SLC28A3: variants seen among roughly 807,000 people sequenced by gnomAD.
The protein encoded by SLC28A3 is concentrative Na(+)-nucleoside cotransporter 3.
In SLC28A3, 68 loss-of-function variants were observed where a neutral mutation model predicts 84.2. The ratio of observed to expected loss-of-function variants is 0.81; its 90% CI spans 0.66 to 0.99. The LOEUF (loss-of-function observed/expected upper bound fraction) is 0.99. Among genes scored for constraint, SLC28A3 ranks in the 50% least tolerant of loss-of-function variants. The pLI is 0.00. For synonymous variants in SLC28A3, 267 were observed against 303.6 expected, an observed-to-expected ratio of 0.88 and a Z score of 1.25; for missense variants, 712 against 841.5, an observed-to-expected ratio of 0.85 and a Z score of 1.90.
In SLC28A3 at chr9:84,301,364, A is replaced by AG. The variant is rs1046537539; in HGVS notation, c.524+835_524+836insC. Among the ~76,000 whole-genome samples, 10 of 151,010 alleles carry AG rather than the reference A, an allele frequency of 6.6e-5. No individual in the cohort carries two copies. The East Asian group carries it at 7.8e-4, about 12-fold the overall frequency. On this transcript the variant is annotated intron_variant, in intron 5 of 17. Transcript: ENST00000376238. ...GACTCTGTCTCAAAAAAAAAAAAAA[A>AG]AAAAAAAAAAGAAAAGGCTGTAAAC...
chr9:84,295,773 C>T (rs138199576), intron 8 of SLC28A3, among the ~76,000 whole-genome samples: 2 of 152,216 alleles, frequency 1.3e-5, no homozygotes, highest in East Asian at 3.9e-4. Flanking sequence ...TACTGTACCC[C>T]CTCCCTACTG....
chr9:84,325,617 T>G (rs1826522919), intron 1 of SLC28A3, among the ~76,000 whole-genome samples: 1 of 152,228 alleles, frequency 6.6e-6, no homozygotes, highest in African/African-American at 2.4e-5. Flanking sequence ...AATAAATTTT[T>G]GTTGAATCAA....
At chr9:84,350,992 C>T in the SLC28A3 span, among the ~76,000 whole-genome samples, 2 of 152,194 alleles carry the variant, frequency 1.3e-5, no homozygotes, top group Non-Finnish European at 2.9e-5. Context: ...CAGGCATGAG[C>T]AACGGTGCCC....
intron 1 of SLC28A3, among the ~76,000 whole-genome samples, chr9:84,324,026 C>A (rs1826467435): frequency 6.6e-6 from 1 of 152,196 alleles, no homozygotes; most frequent in African/African-American, 2.4e-5. Context: ...GACCTAAAGA[C>A]CTCATGCTTT....
intron 16 of SLC28A3, 83 bp from the exon 17 acceptor site, chr9:84,279,468 G>T: frequency 1.8e-6 from 2 of 1,092,788 alleles, no homozygotes; most frequent in Non-Finnish European, 2.3e-6. Flanking sequence ...TAGAGACAGA[G>T]TCTTGCGCTT....
At chr9:84,347,205 A>T in the SLC28A3 span, among the ~76,000 whole-genome samples, 6 of 107,846 alleles carry the variant, frequency 5.6e-5, no homozygotes, top group African/African-American at 1.8e-4. Context: ...GACTCTGTCT[A>T]AAAAAAAAAA....
At chr9:84,364,120 C>CTTTTTTTTTT in the SLC28A3 span, among the ~76,000 whole-genome samples, 1 of 85,294 alleles carries the variant, frequency 1.2e-5, no homozygotes, top group Non-Finnish European at 2.1e-5. Context: ...CAGTTACACT[C>CTTTTTTTTTT]TTTTTTTTTT....
At chr9:84,357,206 G>T in the SLC28A3 span, among the ~76,000 whole-genome samples, 191 of 152,176 alleles carry the variant, frequency 1.3e-3, 2 homozygotes, top group Admixed American at 1.8e-3. Context: ...ATCAAACTTG[G>T]GTTTTGATTT....
At chr9:84,285,223 T>C (rs1824933147) in intron 14 of SLC28A3, 122 bp downstream of exon 14, 1 of 892,802 alleles carries the variant, frequency 1.1e-6, no homozygotes, top group Non-Finnish European at 1.7e-6. Context: ...GATTTTAGGT[T>C]GTTTTGCTCT....
chr9:84,317,316 G>A (rs1278293509), intron 1 of SLC28A3, among the ~76,000 whole-genome samples: 1 of 152,162 alleles, frequency 6.6e-6, no homozygotes, highest in South Asian at 2.1e-4. Context: ...AAAGACAAAG[G>A]TATAAATTAT....
chr9:84,337,732 C>T (rs1044151419), intron 1 of SLC28A3, among the ~76,000 whole-genome samples: 2 of 151,882 alleles, frequency 1.3e-5, no homozygotes, highest in Admixed American at 6.6e-5. Context: ...CATCCTCAGC[C>T]ATATGAGAAA....
At chr9:84,297,072 G>A (rs11568383) in intron 8 of SLC28A3, 149 bp downstream of exon 8, 21,850 of 559,424 alleles carry the variant, frequency 0.039, 3,131 homozygotes, top group African/African-American at 0.34. Context: ...AACATTGTCA[G>A]TGGAAAAGAG....
intron 1 of SLC28A3, among the ~76,000 whole-genome samples, chr9:84,327,812 G>A (rs2118556858): frequency 6.6e-6 from 1 of 151,458 alleles, no homozygotes; most frequent in Non-Finnish European, 1.5e-5. Context: ...CAGCTACTAG[G>A]GAGGCTAAGT....
At chr9:84,280,154 G>T (rs1824687890) in intron 15 of SLC28A3, 81 bp from the exon 16 acceptor site, 2 of 1,355,080 alleles carry the variant, frequency 1.5e-6, no homozygotes, top group Non-Finnish European at 1.0e-6. Context: ...TTGTTCTGAG[G>T]CTGGGCTCAG....
intron 1 of SLC28A3, among the ~76,000 whole-genome samples, chr9:84,330,581 TC>T (rs1382601610): frequency 3.9e-5 from 6 of 152,214 alleles, no homozygotes. Context: ...GAACATTAGA[TC>T]CATGTATTGA....
intron 7 of SLC28A3, 150 bp downstream of exon 7, chr9:84,297,755 AT>A (rs1247845128): frequency 8.7e-6 from 6 of 686,888 alleles, no homozygotes; most frequent in Non-Finnish European, 1.5e-5. Flanking sequence ...CATATTCAAC[AT>A]AAGCAAAACT....
At chr9:84,306,515 T>C (rs1825796603) in intron 3 of SLC28A3, among the ~76,000 whole-genome samples, 1 of 152,214 alleles carries the variant, frequency 6.6e-6, no homozygotes, top group South Asian at 2.1e-4. Context: ...TATGAACCCA[T>C]TACTGACCCA....
chr9:84,317,770 G>C (rs1588608498), intron 1 of SLC28A3, among the ~76,000 whole-genome samples: 1 of 152,142 alleles, frequency 6.6e-6, no homozygotes, highest in South Asian at 2.1e-4. Flanking sequence ...TCCATCCAGT[G>C]GCACACATAG....
At chr9:84,357,525 A>C in the SLC28A3 span, among the ~76,000 whole-genome samples, 1 of 152,008 alleles carries the variant, frequency 6.6e-6, no homozygotes, top group South Asian at 2.1e-4. Flanking sequence ...CTAAATGGGC[A>C]TGGCTGATCA....
Sources: allele counts gnomAD v4.1 joint callset (sites outside exome capture counted in the v4.1 genomes callset), GRCh38; gene constraint gnomAD v4.1.1; transcripts MANE v1.5; gene names NCBI Gene and HGNC (gene_info 2026-07-23, HGNC 2026-07-21).